The following STARD13 variants were observed in gnomAD, a reference collection of about 807,000 sequenced individuals.
STARD13 encodes the protein StAR related lipid transfer domain containing 13, also known as stAR-related lipid transfer protein 13.
Under a neutral mutation model 106.4 loss-of-function variants are expected in STARD13, and 62 were observed. The ratio of observed to expected loss-of-function variants is 0.58; its 90% CI spans 0.48 to 0.72. The LOEUF is 0.72. Among genes scored for constraint, STARD13 ranks in the 30% least tolerant of loss-of-function variants. STARD13 has a pLI of 0.00. For synonymous variants in STARD13, 565 were observed against 553.0 expected, an observed-to-expected ratio of 1.02 and a Z score of -0.31; for missense variants, 1,387 against 1,424.0, an observed-to-expected ratio of 0.97 and a Z score of 0.42.
intron 1 of STARD13, among the ~76,000 whole-genome samples, chr13:33,339,959 C>T (rs7990493): frequency 0.73 from 111,336 of 151,830 alleles, 41,650 homozygotes; most frequent in East Asian, 0.97. Flanking sequence ...GAGGACAACA[C>T]CTTGTGGCCA....
At chr13:33,161,308 CTG>C (rs1044575574) in intron 3 of STARD13, among the ~76,000 whole-genome samples, 2 of 151,368 alleles carry the variant, frequency 1.3e-5, no homozygotes, top group Non-Finnish European at 2.9e-5. Flanking sequence ...AGTGAGGAAA[CTG>C]TTTTATATCT....
At chr13:33,156,706 A>G (rs571927769) in intron 3 of STARD13, among the ~76,000 whole-genome samples, 1 of 152,322 alleles carries the variant, frequency 6.6e-6, no homozygotes, top group Admixed American at 6.5e-5. Context: ...AAGAGCTTAA[A>G]ACAGACAGGA....
the STARD13 span, among the ~76,000 whole-genome samples, chr13:33,527,476 A>G: frequency 2.6e-3 from 398 of 152,242 alleles, 1 homozygote; most frequent in African/African-American, 9.1e-3. Flanking sequence ...ATTATGAATT[A>G]TAGAAAACCA....
rs1873326557 is a variant in STARD13, at chr13:33,103,427, T to C, written c.*2166A>G. The C allele has an allele frequency of 6.6e-6, 1 of 152,640 alleles. No homozygotes were observed. The highest frequency in any genetic ancestry group is 1.5e-5 in the Non-Finnish European group (1 of 68,040). 9.5% of individuals were successfully genotyped at this position (152,640 alleles called of 1,614,324 possible). A position where few individuals can be genotyped will look rare whatever the true frequency, so the allele number is the denominator to read the frequency against. ...ATGCAGCGGTGATATGATTACTATG[T>C]GCACAAAAACAAAAAAGTCAGATAA... On this transcript the variant is annotated 3_prime_UTR_variant, in exon 14 of 14. Transcript: ENST00000336934.
intron 7 of STARD13, among the ~76,000 whole-genome samples, chr13:33,122,432 G>A (rs755945810): frequency 4.6e-5 from 7 of 152,136 alleles, no homozygotes; most frequent in Non-Finnish European, 7.3e-5. Flanking sequence ...CATCACACAG[G>A]GTCTCACACA....
the STARD13 span, among the ~76,000 whole-genome samples, chr13:33,481,983 GAA>G: frequency 1.1e-4 from 10 of 93,018 alleles, no homozygotes; most frequent in Admixed American, 1.3e-4. Context: ...ACTCCGTCTC[GAA>G]AAAAAAAAAA....
chr13:33,308,520 C>CTTTTTTTTTTTT (rs552526416), intron 1 of STARD13, among the ~76,000 whole-genome samples: 141 of 88,578 alleles, frequency 1.6e-3, no homozygotes, highest in Non-Finnish European at 1.9e-3. Flanking sequence ...CTTTTTCTTT[C>CTTTTTTTTTTTT]TTTTTTTTTT....
intron 1 of STARD13, among the ~76,000 whole-genome samples, chr13:33,200,357 A>G (rs1267000615): frequency 3.3e-5 from 5 of 152,366 alleles, no homozygotes; most frequent in Middle Eastern, 3.4e-3. Flanking sequence ...CTGTATGTGG[A>G]AGCCCTTGGC....
chr13:33,403,224 GCC>G, the STARD13 span, among the ~76,000 whole-genome samples: 54 of 152,344 alleles, frequency 3.5e-4, no homozygotes, highest in African/African-American at 1.3e-3. Context: ...GAACAGGCAA[GCC>G]ACACCCCTGC....
the STARD13 span, among the ~76,000 whole-genome samples, chr13:33,361,383 A>T: frequency 6.6e-6 from 1 of 152,232 alleles, no homozygotes; most frequent in Non-Finnish European, 1.5e-5. Context: ...GTTTATACTA[A>T]TGATAAGGCT....
chr13:33,113,841 C>T (rs760018667), intron 8 of STARD13, among the ~76,000 whole-genome samples: 9 of 152,164 alleles, frequency 5.9e-5, no homozygotes, highest in Non-Finnish European at 5.9e-5. Flanking sequence ...ATAGGTGCTG[C>T]CTTTTGCTGC....
At chr13:33,282,320 T>C (rs781745735) in intron 1 of STARD13, among the ~76,000 whole-genome samples, 2 of 152,194 alleles carry the variant, frequency 1.3e-5, no homozygotes, top group African/African-American at 2.4e-5. Flanking sequence ...AGAGAAATGA[T>C]GCATGTATGT....
intron 1 of STARD13, among the ~76,000 whole-genome samples, chr13:33,230,168 G>A (rs1888841347): frequency 6.6e-6 from 1 of 152,210 alleles, no homozygotes; most frequent in South Asian, 2.1e-4. Flanking sequence ...CATGGCAAAT[G>A]GTAATTCACT....
intron 4 of STARD13, among the ~76,000 whole-genome samples, chr13:33,139,682 G>A (rs775939193): frequency 5.9e-5 from 9 of 152,260 alleles, no homozygotes; most frequent in African/African-American, 1.4e-4. Context: ...AGCTTTTCAC[G>A]GGGTGCTCGA....
chr13:33,541,936 T>C, the STARD13 span, among the ~76,000 whole-genome samples: 1 of 152,110 alleles, frequency 6.6e-6, no homozygotes. Context: ...AGTGAAAAAA[T>C]GACAAAATTT....
the STARD13 span, among the ~76,000 whole-genome samples, chr13:33,568,780 CAA>C: frequency 1.4e-5 from 2 of 147,676 alleles, 1 homozygote. Flanking sequence ...TGTATTTATC[CAA>C]GAGAGATTTG....
the STARD13 span, among the ~76,000 whole-genome samples, chr13:33,586,180 G>A: frequency 6.6e-6 from 1 of 152,174 alleles, no homozygotes; most frequent in African/African-American, 2.4e-5. Context: ...AATGCTCCTT[G>A]ATTTTTGTGT....
intron 1 of STARD13, among the ~76,000 whole-genome samples, chr13:33,269,247 G>A (rs1891045197): frequency 6.6e-6 from 1 of 152,104 alleles, no homozygotes; most frequent in Non-Finnish European, 1.5e-5. Context: ...AATATTTAAA[G>A]CAAACAAAAT....
At chr13:33,664,369 G>T in the STARD13 span, among the ~76,000 whole-genome samples, 5 of 152,286 alleles carry the variant, frequency 3.3e-5, no homozygotes, top group South Asian at 1.0e-3. Context: ...GAATACATCG[G>T]CAGCAGGGGT....
Sources: gnomAD v4.1 joint callset for allele counts (sites outside exome capture counted in the v4.1 genomes callset) on GRCh38, gnomAD v4.1.1 for gene constraint, MANE v1.5 for transcripts, NCBI Gene and HGNC (gene_info 2026-07-23, HGNC 2026-07-21) for gene names.